The following CLRN1 variants were observed in gnomAD, a reference collection of about 807,000 sequenced individuals.
CLRN1 encodes clarin-1.
In CLRN1, 15 loss-of-function variants were observed where a neutral mutation model predicts 18.7. The observed-to-expected ratio is 0.80, with a 90% CI of 0.54 to 1.23. The LOEUF (loss-of-function observed/expected upper bound fraction) is 1.23. Among genes scored for constraint, CLRN1 ranks in the 50% most tolerant of loss-of-function variants. The pLI is 0.00. For synonymous variants in CLRN1, 104 were observed against 102.9 expected (o/e 1.01, Z -0.07); for missense variants, 311 against 277.5 (o/e 1.12, Z -0.86).
At chr3:150,954,604 T>C (rs558787218) in intron 1 of CLRN1, among the ~76,000 whole-genome samples, 7 of 152,352 alleles carry the variant, frequency 4.6e-5, no homozygotes, top group Admixed American at 2.0e-4. Context: ...GAAGAGTAGT[T>C]CTTATTTTTA....
Position 150,951,320 on chromosome 3 carries a change from A to T in CLRN1, c.254-9559T>A, listed in dbSNP as rs555594144. ...CATTCTCTCATAGTCTCAGGTAAAG[A>T]AATACCTGAGTCTGGGTAATATATA... On this transcript the variant is annotated intron_variant, in intron 1 of 2. Transcript: ENST00000327047. Among the ~76,000 whole-genome samples the T allele has an allele frequency of 5.4e-5, 8 of 148,518 alleles. No individual in the cohort carries two copies. In the East Asian group the frequency reaches 1.4e-3, roughly 26 times the overall value.
chr3:150,964,888 C>T (rs28613539), intron 1 of CLRN1, among the ~76,000 whole-genome samples: 4 of 115,310 alleles, frequency 3.5e-5, no homozygotes, highest in South Asian at 5.0e-4. Context: ...TATCACACAC[C>T]GGGGCTTGTC....
At chr3:150,951,213 A>G (rs532138824) in intron 1 of CLRN1, among the ~76,000 whole-genome samples, 1 of 152,246 alleles carries the variant, frequency 6.6e-6, no homozygotes, top group East Asian at 1.9e-4. Context: ...ACAGGAGTTT[A>G]CCTATGTAAC....
At chr3:150,953,544 T>G (rs578126264) in intron 1 of CLRN1, among the ~76,000 whole-genome samples, 1 of 152,200 alleles carries the variant, frequency 6.6e-6, no homozygotes, top group Non-Finnish European at 1.5e-5. Context: ...ACTTATTTTT[T>G]CTTCGAGATG....
rs535394351 is a variant in CLRN1 at position 150,964,059 on chromosome 3, A to G, written c.253+8397T>C. 3.9e-5 allele frequency among the ~76,000 whole-genome samples: 6 copies of G among 152,346 alleles called. No homozygotes were observed. The South Asian group carries it at 1.2e-3, about 32-fold the overall frequency. On this transcript the variant is annotated intron_variant, in intron 1 of 2. Coordinates refer to ENST00000327047, the MANE Select transcript of CLRN1 (RefSeq NM_174878.3). Reference sequence around the variant, plus strand: ...AATGGCAACAAAAGCCAAAATTGACAAATGGGATCTAATTAAACTAAAAAA... The same window carrying G: ...AATGGCAACAAAAGCCAAAATTGACGAATGGGATCTAATTAAACTAAAAAA...
intron 2 of CLRN1, among the ~76,000 whole-genome samples, chr3:150,929,984 A>T (rs149387194): frequency 1.3e-5 from 2 of 152,234 alleles, no homozygotes; most frequent in Non-Finnish European, 2.9e-5. Flanking sequence ...GTTTCTATTC[A>T]TTAATTCACT....
chr3:150,931,092 A>G (rs1713110323), intron 2 of CLRN1, among the ~76,000 whole-genome samples: 1 of 152,154 alleles, frequency 6.6e-6, no homozygotes, highest in Non-Finnish European at 1.5e-5. Flanking sequence ...GACTGCTAAG[A>G]GATATGAAGG....
chr3:150,943,268 T>C (rs936309735), intron 1 of CLRN1, among the ~76,000 whole-genome samples: 2 of 152,178 alleles, frequency 1.3e-5, no homozygotes, highest in Non-Finnish European at 2.9e-5. Flanking sequence ...TCCATCCCTG[T>C]GTGCCCGCTC....
intron 2 of CLRN1, among the ~76,000 whole-genome samples, chr3:150,928,549 G>A (rs1432763644): frequency 6.6e-6 from 1 of 152,122 alleles, no homozygotes; most frequent in African/African-American, 2.4e-5. Flanking sequence ...GCATAATGGT[G>A]GAATCAGGCT....
intron 1 of CLRN1, among the ~76,000 whole-genome samples, chr3:150,953,786 G>T (rs964604759): frequency 2.6e-5 from 4 of 152,184 alleles, no homozygotes; most frequent in Non-Finnish European, 5.9e-5. Context: ...CCACAGTGCT[G>T]GGATTACAGG....
At chr3:150,941,443 A>C in intron 2 of CLRN1, 139 bp downstream of exon 2, 1 of 874,474 alleles carries the variant, frequency 1.1e-6, no homozygotes, top group South Asian at 1.5e-5. Context: ...TGGTATTTCC[A>C]CACTTTTTGT....
chr3:150,952,633 TAAAC>T (rs544994393), intron 1 of CLRN1, among the ~76,000 whole-genome samples: 3 of 152,102 alleles, frequency 2.0e-5, no homozygotes, highest in Non-Finnish European at 4.4e-5. Flanking sequence ...TAGCAGTTAT[TAAAC>T]AAACAAACAA....
At chr3:150,954,378 A>G (rs1207755782) in intron 1 of CLRN1, among the ~76,000 whole-genome samples, 1 of 152,198 alleles carries the variant, frequency 6.6e-6, no homozygotes, top group East Asian at 1.9e-4. Flanking sequence ...CCAAGTGTCT[A>G]ATGATGTTGA....
rs148735534 is a variant in CLRN1 at position 150,963,837 on chromosome 3, G to A, written c.253+8619C>T. Among the ~76,000 whole-genome samples the A allele has an allele frequency of 5.0e-4, 76 of 152,284 alleles. 1 individual carries two copies. The East Asian group carries it at 0.014, about 27-fold the overall frequency. Reference sequence around the variant, plus strand: ...GGAAAGGATTCCCTATTTAATAAATGGTGTTGGGAAAACTGGCTAGCCATA... The same window carrying A: ...GGAAAGGATTCCCTATTTAATAAATAGTGTTGGGAAAACTGGCTAGCCATA... On this transcript the variant is annotated intron_variant, in intron 1 of 2. Coordinates refer to ENST00000327047, the MANE Select transcript of CLRN1 (RefSeq NM_174878.3).
intron 2 of CLRN1, 84 bp downstream of exon 2, chr3:150,941,498 G>T: frequency 7.3e-7 from 1 of 1,370,950 alleles, no homozygotes; most frequent in Non-Finnish European, 1.0e-6. Flanking sequence ...TATATGTTAA[G>T]ATTATAACTT....
At chr3:150,955,411 C>T (rs771874470) in intron 1 of CLRN1, among the ~76,000 whole-genome samples, 8 of 152,150 alleles carry the variant, frequency 5.3e-5, no homozygotes, top group East Asian at 1.9e-4. Flanking sequence ...TCAATAAACC[C>T]GACTGAAAAC....
chr3:150,940,759 C>T (rs928024945), intron 2 of CLRN1, among the ~76,000 whole-genome samples: 2 of 152,144 alleles, frequency 1.3e-5, no homozygotes, highest in Non-Finnish European at 2.9e-5. Context: ...TCTCCTTCTC[C>T]CACTTGCAGA....
intron 1 of CLRN1, among the ~76,000 whole-genome samples, chr3:150,947,590 A>G (rs1214889158): frequency 6.6e-6 from 1 of 152,192 alleles, no homozygotes; most frequent in Non-Finnish European, 1.5e-5. Flanking sequence ...CCCAAAACCA[A>G]CAGAATATAC....
At chr3:150,964,888 C>A (rs28613539) in intron 1 of CLRN1, among the ~76,000 whole-genome samples, 8 of 115,310 alleles carry the variant, frequency 6.9e-5, no homozygotes, top group African/African-American at 2.5e-4. Flanking sequence ...TATCACACAC[C>A]GGGGCTTGTC....
Sources: allele counts gnomAD v4.1 joint callset (sites outside exome capture counted in the v4.1 genomes callset), GRCh38; gene constraint gnomAD v4.1.1; transcripts MANE v1.5; gene names NCBI Gene and HGNC (gene_info 2026-07-23, HGNC 2026-07-21).